TEX9: variants seen among roughly 807,000 people sequenced by gnomAD.
The protein encoded by TEX9 is testis expressed 9, also known as testis-expressed protein 9.
Under a neutral mutation model 59.6 loss-of-function variants are expected in TEX9, and 74 were observed. That is an observed-to-expected ratio of 1.24 (90% CI 1.03 to 1.51). The LOEUF is 1.51. Among genes scored for constraint, TEX9 ranks in the 40% most tolerant of loss-of-function variants. The pLI, the probability that TEX9 is intolerant of heterozygous loss-of-function variation, is 0.00. For missense variants in TEX9, 522 were observed against 447.8 expected (o/e 1.17, Z -1.49); for synonymous variants, 186 against 152.2 (o/e 1.22, Z -1.64).
intron 10 of TEX9, among the ~76,000 whole-genome samples, chr15:56,418,148 CT>C (rs2049792040): frequency 6.6e-6 from 1 of 151,814 alleles, no homozygotes; most frequent in Non-Finnish European, 1.5e-5. Flanking sequence ...CACTCCATGC[CT>C]TTTAAGTGGG....
At chr15:56,450,568 T>A (rs555478410), downstream of TEX9, among the ~76,000 whole-genome samples, 1 of 152,348 alleles carries the variant, frequency 6.6e-6, no homozygotes, top group Admixed American at 6.5e-5. Context: ...ACTAATATTT[T>A]AGCATGTATC....
intron 1 of TEX9, among the ~76,000 whole-genome samples, chr15:56,298,733 CT>C (rs2045273570): frequency 6.6e-6 from 1 of 152,144 alleles, no homozygotes; most frequent in Admixed American, 6.5e-5. Context: ...TCTAATGAAA[CT>C]GCTTTTCAAA....
chr15:56,405,629 T>C (rs966034132), intron 9 of TEX9, among the ~76,000 whole-genome samples: 1 of 152,188 alleles, frequency 6.6e-6, no homozygotes, highest in Non-Finnish European at 1.5e-5. Context: ...CTTGCATCCC[T>C]ATCTACCCTG....
At chr15:56,426,815 C>T (rs1283342802) in intron 10 of TEX9, among the ~76,000 whole-genome samples, 1 of 151,282 alleles carries the variant, frequency 6.6e-6, no homozygotes, top group Non-Finnish European at 1.5e-5. Flanking sequence ...ATGATTTCTA[C>T]TGACCCTTTT....
At chr15:56,250,498 A>G (rs1437824327) in intron 1 of TEX9, among the ~76,000 whole-genome samples, 3 of 152,236 alleles carry the variant, frequency 2.0e-5, no homozygotes, top group African/African-American at 7.2e-5. Flanking sequence ...TGAACAGCTG[A>G]TGATAAAGGT....
intron 1 of TEX9, among the ~76,000 whole-genome samples, chr15:56,261,969 A>G (rs2044279706): frequency 6.6e-6 from 1 of 152,038 alleles, no homozygotes; most frequent in African/African-American, 2.4e-5. Flanking sequence ...CTGGAATTCC[A>G]CCTTCTGGGG....
chr15:56,332,265 A>C (rs1464653424), intron 1 of TEX9, among the ~76,000 whole-genome samples: 1 of 151,220 alleles, frequency 6.6e-6, no homozygotes, highest in Non-Finnish European at 1.5e-5. Context: ...TGTGGCACAC[A>C]TACACCATGG....
At chr15:56,311,012 G>C (rs2045598932) in intron 1 of TEX9, among the ~76,000 whole-genome samples, 1 of 152,070 alleles carries the variant, frequency 6.6e-6, no homozygotes, top group South Asian at 2.1e-4. Flanking sequence ...CCCAAGTCTA[G>C]AACCCTTCAG....
chr15:56,329,247 G>T (rs2046090862), intron 1 of TEX9, among the ~76,000 whole-genome samples: 1 of 152,102 alleles, frequency 6.6e-6, no homozygotes, highest in Admixed American at 6.6e-5. Flanking sequence ...CCCTAATGCA[G>T]GTATGGCTTA....
At position 56,357,164 on chromosome 15, in the gene TEX9, A is replaced by T. The variant is rs140634433; in HGVS notation, c.-106-16277A>T. On this transcript the variant is annotated intron_variant, in intron 1 of 5. Coordinates refer to the TEX9 transcript ENST00000560827. ...ACCCAGTTTGAGAATAGAACTAGAC[A>T]GAAGGCTGCCATTCATTAGTGAGTA... Among the ~76,000 whole-genome samples the T allele has an allele frequency of 6.0e-4, 91 of 152,308 alleles. 1 individual carries two copies. Among genetic ancestry groups the T allele is most frequent in the Middle Eastern group, 3.4e-3 (1 of 294 alleles).
At chr15:56,335,060 G>A (rs185540343) in intron 1 of TEX9, among the ~76,000 whole-genome samples, 220 of 152,188 alleles carry the variant, frequency 1.4e-3, no homozygotes, top group African/African-American at 5.1e-3. Context: ...GTGAGAGTGT[G>A]TATTAGTACA....
the TEX9 span, chr15:56,456,379 G>T: frequency 6.3e-7 from 1 of 1,591,464 alleles, no homozygotes; most frequent in South Asian, 1.2e-5. Flanking sequence ...ATGAAATTTA[G>T]AGAAACCAAG....
chr15:56,339,086 G>T (rs2046314246), intron 1 of TEX9, among the ~76,000 whole-genome samples: 1 of 151,564 alleles, frequency 6.6e-6, no homozygotes, highest in Non-Finnish European at 1.5e-5. Context: ...TTATGAAAAA[G>T]AATAGGAGAA....
At chr15:56,299,100 A>G (rs1331896315) in intron 1 of TEX9, among the ~76,000 whole-genome samples, 1 of 152,192 alleles carries the variant, frequency 6.6e-6, no homozygotes, top group Non-Finnish European at 1.5e-5. Context: ...TTTTAACATT[A>G]TATCAGTGAA....
chr15:56,311,736 T>G (rs1285607386), intron 1 of TEX9, among the ~76,000 whole-genome samples: 2 of 143,276 alleles, frequency 1.4e-5, no homozygotes, highest in East Asian at 2.1e-4. Flanking sequence ...TCCACAATGG[T>G]TGAACTAGTT....
At chr15:56,373,463 G>A (rs1185805370) in exon 3 of TEX9, 2 of 1,584,644 alleles carry the variant, frequency 1.3e-6, no homozygotes, top group Admixed American at 1.9e-5. Flanking sequence ...AGAATTGCAG[G>A]CAAAAACAGC....
intron 3 of TEX9, among the ~76,000 whole-genome samples, chr15:56,379,791 G>C (rs12907445): frequency 0.3 from 45,439 of 151,420 alleles, 7,699 homozygotes; most frequent in Middle Eastern, 0.47. Context: ...ATTATATAAT[G>C]ACCTTCTTTG....
intron 1 of TEX9, among the ~76,000 whole-genome samples, chr15:56,332,991 A>G (rs1427212553): frequency 6.6e-6 from 1 of 152,226 alleles, no homozygotes; most frequent in Non-Finnish European, 1.5e-5. Flanking sequence ...AAACTTAAAC[A>G]TATCAATAAC....
intron 1 of TEX9, among the ~76,000 whole-genome samples, chr15:56,328,500 T>G (rs1293676964): frequency 6.6e-6 from 1 of 152,144 alleles, no homozygotes; most frequent in Non-Finnish European, 1.5e-5. Flanking sequence ...ATTCCAGCCC[T>G]GACTCTTGGA....
Sources: allele counts gnomAD v4.1 joint callset (sites outside exome capture counted in the v4.1 genomes callset), GRCh38; gene constraint gnomAD v4.1.1; transcripts MANE v1.5; gene names NCBI Gene and HGNC (gene_info 2026-07-23, HGNC 2026-07-21).